Variants in SDK1 observed in about 807,000 individuals in gnomAD.
SDK1 encodes sidekick cell adhesion molecule 1.
Under a neutral mutation model 245.5 loss-of-function variants are expected in SDK1, and 157 were observed. The observed-to-expected ratio is 0.64, with a 90% CI of 0.56 to 0.73. The LOEUF (loss-of-function observed/expected upper bound fraction) is 0.73, where lower values mean the gene tolerates loss of function less well. Ranked by LOEUF, SDK1 falls within the 30% of genes least tolerant of loss-of-function variation. The pLI, the probability that SDK1 is intolerant of heterozygous loss-of-function variation, is 0.00. For synonymous variants in SDK1, 1,647 were observed against 1,278.5 expected (o/e 1.29, Z -6.15); for missense variants, 3,583 against 3,002.3 (o/e 1.19, Z -4.52).
chr7:3,390,748 C>G (rs769391669), intron 1 of SDK1, among the ~76,000 whole-genome samples: 3 of 152,142 alleles, frequency 2.0e-5, no homozygotes, highest in Non-Finnish European at 2.9e-5. Flanking sequence ...AGAGGTGGAA[C>G]AAATTCTCCC....
At chr7:3,522,218 A>T (rs1398984371) in intron 1 of SDK1, among the ~76,000 whole-genome samples, 1 of 152,024 alleles carries the variant, frequency 6.6e-6, no homozygotes, top group Non-Finnish European at 1.5e-5. Flanking sequence ...TCAGGCTTTC[A>T]GTGCTTCACA....
intron 1 of SDK1, among the ~76,000 whole-genome samples, chr7:3,547,113 A>G (rs919831819): frequency 6.6e-6 from 1 of 152,188 alleles, no homozygotes; most frequent in African/African-American, 2.4e-5. Flanking sequence ...AGAGTTTTAG[A>G]TAATTTTTAT....
At chr7:3,992,940 G>A (rs1337472343) in intron 14 of SDK1, among the ~76,000 whole-genome samples, 1 of 152,064 alleles carries the variant, frequency 6.6e-6, no homozygotes, top group African/African-American at 2.4e-5. Context: ...ATACTGACCC[G>A]TTTTGCATCT....
chr7:4,238,757 A>G (rs964595304), intron 42 of SDK1, among the ~76,000 whole-genome samples: 2 of 151,970 alleles, frequency 1.3e-5, no homozygotes, highest in Admixed American at 1.3e-4. Flanking sequence ...CATGTTGGTC[A>G]GGCTGGTCTC....
At position 4,042,873 on chromosome 7, in the gene SDK1, A is replaced by G. The variant is rs139315909; in HGVS notation, c.2603-6475A>G. ...CTCTTTCTCGCTTGAGGGCATTTTT[A>G]ATTCCATTGTCCACAAATTTCTGAG... is the stretch of plus-strand genomic sequence containing the variant. On this transcript the variant is annotated intron_variant, in intron 17 of 44. Coordinates refer to ENST00000404826, the MANE Select transcript of SDK1 (RefSeq NM_152744.4). 4.9e-3 allele frequency among the ~76,000 whole-genome samples: 752 copies of G among 152,316 alleles called. 8 individuals are homozygous for G. Among genetic ancestry groups the G allele is most frequent in the African/African-American group, 0.017 (690 of 41,570 alleles).
intron 42 of SDK1, among the ~76,000 whole-genome samples, chr7:4,240,331 GTC>G: frequency 6.6e-6 from 1 of 152,182 alleles, no homozygotes; most frequent in South Asian, 2.1e-4. Context: ...AATGTCTCCC[GTC>G]CTGCCCAGGA....
Position 4,104,445 on chromosome 7 carries a change from A to G in SDK1, c.3325-6218A>G, listed in dbSNP as rs140976605. On this transcript the variant is annotated intron_variant, in intron 22 of 44. Coordinates refer to ENST00000404826, the MANE Select transcript of SDK1 (RefSeq NM_152744.4). ...GACTTACTGTTTGTTGATTTGGCCC[A>G]GACTCTGTGAAGTTGGATGCTACCT... Among the ~76,000 whole-genome samples the G allele has an allele frequency of 2.3e-3, 350 of 152,358 alleles. 3 individuals are homozygous for G. Among genetic ancestry groups the G allele is most frequent in the African/African-American group, 8.1e-3 (338 of 41,598 alleles).
intron 44 of SDK1, among the ~76,000 whole-genome samples, chr7:4,261,262 C>G (rs909286107): frequency 6.6e-6 from 1 of 152,080 alleles, no homozygotes; most frequent in African/African-American, 2.4e-5. Flanking sequence ...GGGTAATTCA[C>G]TCTGACTCTC....
At chr7:3,326,209 A>T (rs1204758237) in intron 1 of SDK1, among the ~76,000 whole-genome samples, 1 of 152,128 alleles carries the variant, frequency 6.6e-6, no homozygotes, top group African/African-American at 2.4e-5. Context: ...TTTTCCCTCG[A>T]GATAACCGTT....
chr7:3,545,388 T>G (rs1779188178), intron 1 of SDK1, among the ~76,000 whole-genome samples: 2 of 152,304 alleles, frequency 1.3e-5, no homozygotes, highest in South Asian at 4.1e-4. Flanking sequence ...ATGTTCATCT[T>G]TCATGTTGAA....
At chr7:3,801,901 C>T (rs931071953) in intron 4 of SDK1, among the ~76,000 whole-genome samples, 2 of 152,236 alleles carry the variant, frequency 1.3e-5, no homozygotes, top group East Asian at 3.8e-4. Flanking sequence ...AGTGAGAACT[C>T]TCTGCTGACC....
At chr7:3,661,710 T>A (rs183563378) in intron 4 of SDK1, among the ~76,000 whole-genome samples, 36 of 152,282 alleles carry the variant, frequency 2.4e-4, no homozygotes, top group Admixed American at 2.2e-3. Context: ...TTTGGAAAAA[T>A]GCAGTATAAA....
chr7:3,471,658 C>G (rs1208643904), intron 1 of SDK1, among the ~76,000 whole-genome samples: 1 of 152,108 alleles, frequency 6.6e-6, no homozygotes, highest in East Asian at 1.9e-4. Flanking sequence ...AACTTCAGAT[C>G]CATAGGCCAG....
chr7:3,342,134 A>G (rs1212298634), intron 1 of SDK1, among the ~76,000 whole-genome samples: 1 of 152,248 alleles, frequency 6.6e-6, no homozygotes, highest in Non-Finnish European at 1.5e-5. Flanking sequence ...TGAAAAAGCA[A>G]TTCACTGATA....
At chr7:4,207,463 A>G (rs1784286404) in intron 36 of SDK1, among the ~76,000 whole-genome samples, 1 of 152,176 alleles carries the variant, frequency 6.6e-6, no homozygotes, top group East Asian at 1.9e-4. Context: ...TAAAAGCTAG[A>G]CAAGAGGAAA....
At chr7:4,166,972 C>T (rs1332841705) in intron 32 of SDK1, among the ~76,000 whole-genome samples, 1 of 152,272 alleles carries the variant, frequency 6.6e-6, no homozygotes, top group East Asian at 1.9e-4. Context: ...CCTCCTACCC[C>T]CAGGCCTTCC....
At chr7:3,967,835 G>A (rs932994205) in intron 10 of SDK1, among the ~76,000 whole-genome samples, 2 of 152,182 alleles carry the variant, frequency 1.3e-5, no homozygotes, top group East Asian at 3.9e-4. Flanking sequence ...CTCCTGCTAC[G>A]CAGCCCAGTT....
chr7:3,518,488 A>C (rs1782821618), intron 1 of SDK1, among the ~76,000 whole-genome samples: 1 of 80,168 alleles, frequency 1.2e-5, no homozygotes, highest in Non-Finnish European at 2.6e-5. Context: ...ATCTGAACAG[A>C]AAAAAAAAAG....
intron 1 of SDK1, among the ~76,000 whole-genome samples, chr7:3,323,017 G>C (rs546710276): frequency 9.2e-5 from 14 of 152,100 alleles, no homozygotes; most frequent in African/African-American, 2.9e-4. Flanking sequence ...GCCGAGGCTC[G>C]TCTCAAACTC....
Sources: allele counts gnomAD v4.1 joint callset (sites outside exome capture counted in the v4.1 genomes callset), GRCh38; gene constraint gnomAD v4.1.1; transcripts MANE v1.5; gene names NCBI Gene and HGNC (gene_info 2026-07-23, HGNC 2026-07-21).